The following ASTN2 variants were observed in gnomAD, a reference collection of about 807,000 sequenced individuals.
ASTN2 encodes the protein astrotactin-2.
ASTN2 carries 54 observed loss-of-function variants against 139.8 expected under a neutral mutation model. That is an observed-to-expected ratio of 0.39 (90% CI 0.31 to 0.48). The LOEUF (loss-of-function observed/expected upper bound fraction) is 0.48, where lower values mean the gene tolerates loss of function less well. Among genes scored for constraint, ASTN2 ranks in the 20% least tolerant of loss-of-function variants. The pLI is 0.95. For synonymous variants in ASTN2, 756 were observed against 719.5 expected (o/e 1.05, Z -0.81); for missense variants, 1,565 against 1,725.1 (o/e 0.91, Z 1.64).
intron 4 of ASTN2, among the ~76,000 whole-genome samples, chr9:117,101,433 G>A (rs1828975208): frequency 6.6e-6 from 1 of 152,154 alleles, no homozygotes; most frequent in South Asian, 2.1e-4. Flanking sequence ...AATGGTTAGA[G>A]ACTGGCAAGA....
chr9:117,176,711 T>C (rs564403798), intron 3 of ASTN2, among the ~76,000 whole-genome samples: 1 of 152,272 alleles, frequency 6.6e-6, no homozygotes, highest in East Asian at 1.9e-4. Flanking sequence ...GGTGGGAGGC[T>C]TGCTCAAGGC....
At chr9:116,448,678 G>A (rs1848081306) in intron 20 of ASTN2, among the ~76,000 whole-genome samples, 1 of 152,178 alleles carries the variant, frequency 6.6e-6, no homozygotes, top group Admixed American at 6.5e-5. Context: ...TTGAGCCTCA[G>A]TTTCCTTATC....
chr9:116,999,641 C>A (rs912623095), intron 7 of ASTN2, among the ~76,000 whole-genome samples: 3 of 132,894 alleles, frequency 2.3e-5, no homozygotes, highest in Admixed American at 8.9e-5. Context: ...CTCACTGCAA[C>A]CTTCGCCTCT....
intron 19 of ASTN2, among the ~76,000 whole-genome samples, chr9:116,553,543 C>T (rs1402222083): frequency 1.3e-5 from 2 of 152,152 alleles, no homozygotes; most frequent in African/African-American, 4.8e-5. Context: ...AAAAATATTC[C>T]ACTCTCAAAA....
chr9:116,536,618 C>A lies in ASTN2; in HGVS notation c.3356-49118G>T, dbSNP rs1851640997. Among the ~76,000 whole-genome samples, 4 of 152,350 alleles carry A rather than the reference C, an allele frequency of 2.6e-5. No individual in the cohort carries two copies. In the South Asian group the frequency reaches 8.3e-4, roughly 32 times the overall value. Reference sequence around the variant, plus strand: ...AGGTCTGTTGGAGTTTGCTGGAGGTCCACTCCAGACCCTGTTTGCCTGGGT... The same window carrying A: ...AGGTCTGTTGGAGTTTGCTGGAGGTACACTCCAGACCCTGTTTGCCTGGGT... On this transcript the variant is annotated intron_variant, in intron 19 of 22. Coordinates refer to ENST00000313400, the MANE Select transcript of ASTN2 (RefSeq NM_001365068.1).
intron 13 of ASTN2, among the ~76,000 whole-genome samples, chr9:116,742,018 A>G (rs1291342014): frequency 1.3e-5 from 2 of 152,222 alleles, no homozygotes; most frequent in Non-Finnish European, 2.9e-5. Flanking sequence ...AAAAATGACA[A>G]TCTCTGTCCT....
intron 3 of ASTN2, among the ~76,000 whole-genome samples, chr9:117,147,868 C>G (rs1830237858): frequency 6.6e-6 from 1 of 152,160 alleles, no homozygotes; most frequent in Admixed American, 6.5e-5. Flanking sequence ...TATAAGTACT[C>G]CCTCTCTGGT....
chr9:117,080,469 A>G (rs1167260750), intron 5 of ASTN2, among the ~76,000 whole-genome samples: 1 of 152,212 alleles, frequency 6.6e-6, no homozygotes, highest in African/African-American at 2.4e-5. Context: ...TCACAGAAAA[A>G]ATATGGTAAT....
Position 116,436,434 on chromosome 9 carries a change from C to T in ASTN2, c.3782+4175G>A, listed in dbSNP as rs190631918. ...CATCTGGTCCACACATTTAAATCAT[C>T]TCATTACTCAATTACTCAACAACTA... On this transcript the variant is annotated intron_variant, in intron 22 of 22. Transcript: ENST00000313400. Among the ~76,000 whole-genome samples the T allele has an allele frequency of 9.8e-5, 15 of 152,298 alleles. No individual in the cohort carries two copies. In the East Asian group the frequency reaches 2.7e-3, roughly 27 times the overall value.
intron 1 of ASTN2, among the ~76,000 whole-genome samples, chr9:117,339,529 C>G (rs766822094): frequency 3.9e-5 from 6 of 152,158 alleles, no homozygotes; most frequent in Admixed American, 6.5e-5. Flanking sequence ...TTTGCCAACA[C>G]TCCGTTTACA....
intron 20 of ASTN2, among the ~76,000 whole-genome samples, chr9:116,468,256 A>C (rs1406049051): frequency 1.3e-5 from 2 of 152,214 alleles, no homozygotes; most frequent in East Asian, 3.8e-4. Context: ...ATGAGAGCTA[A>C]TTACCTATAA....
intron 3 of ASTN2, among the ~76,000 whole-genome samples, chr9:117,157,166 G>A (rs780876941): frequency 6.6e-6 from 1 of 152,010 alleles, no homozygotes; most frequent in African/African-American, 2.4e-5. Context: ...AAGAAAGGAA[G>A]ACATAGACAG....
chr9:116,441,990 G>C (rs1847853928), intron 21 of ASTN2, among the ~76,000 whole-genome samples: 1 of 152,198 alleles, frequency 6.6e-6, no homozygotes, highest in South Asian at 2.1e-4. Context: ...AGACCACCAT[G>C]GGACTGGATG....
intron 3 of ASTN2, among the ~76,000 whole-genome samples, chr9:117,156,921 T>C (rs911240701): frequency 2.0e-5 from 3 of 152,022 alleles, no homozygotes; most frequent in African/African-American, 7.2e-5. Context: ...TCACCTTGCC[T>C]CAACATGTAT....
chr9:116,814,719 G>A (rs1831262389), intron 12 of ASTN2, among the ~76,000 whole-genome samples: 1 of 152,172 alleles, frequency 6.6e-6, no homozygotes, highest in Admixed American at 6.5e-5. Context: ...CAGGCACACT[G>A]GGAACCTGTA....
intron 17 of ASTN2, among the ~76,000 whole-genome samples, chr9:116,640,696 T>C (rs1857284205): frequency 6.6e-6 from 1 of 152,200 alleles, no homozygotes; most frequent in Admixed American, 6.5e-5. Flanking sequence ...CTGAGCACCA[T>C]GGCAAGGACT....
chr9:117,293,029 T>C (rs1363347886), intron 1 of ASTN2, among the ~76,000 whole-genome samples: 2 of 152,110 alleles, frequency 1.3e-5, no homozygotes, highest in African/African-American at 4.8e-5. Context: ...TAGATATTGA[T>C]TTATCATCAT....
intron 10 of ASTN2, among the ~76,000 whole-genome samples, chr9:116,908,485 A>G (rs1246006845): frequency 1.3e-5 from 2 of 152,340 alleles, no homozygotes; most frequent in South Asian, 2.1e-4. Flanking sequence ...TCCTCACCAT[A>G]AAAACATGAT....
intron 6 of ASTN2, among the ~76,000 whole-genome samples, chr9:117,013,527 T>C (rs1236050586): frequency 6.6e-6 from 1 of 151,130 alleles, no homozygotes; most frequent in Non-Finnish European, 1.5e-5. Flanking sequence ...ATATACATCA[T>C]CTAATTAGCT....
Sources: gnomAD v4.1 joint callset for allele counts (sites outside exome capture counted in the v4.1 genomes callset) on GRCh38, gnomAD v4.1.1 for gene constraint, MANE v1.5 for transcripts, NCBI Gene and HGNC (gene_info 2026-07-23, HGNC 2026-07-21) for gene names.